The following SIL1 variants were observed in gnomAD, a reference collection of about 807,000 sequenced individuals.
SIL1 encodes SIL1 nucleotide exchange factor.
SIL1 carries 40 observed loss-of-function variants against 49.1 expected under a neutral mutation model. The ratio of observed to expected loss-of-function variants is 0.81; its 90% CI spans 0.63 to 1.06. SIL1 has a LOEUF of 1.06. SIL1 is among the 50% of genes least tolerant of loss of function. SIL1 has a pLI of 0.00. For synonymous variants in SIL1, 253 were observed against 250.8 expected (o/e 1.01, Z -0.08); for missense variants, 500 against 572.6 (o/e 0.87, Z 1.29).
chr5:139,102,497 AAAAAGAG>A (rs1407723617), intron 3 of SIL1, among the ~76,000 whole-genome samples: 1,666 of 65,542 alleles, frequency 0.025, 3 homozygotes, highest in South Asian at 0.035. Flanking sequence ...AAAAAAAAAA[AAAAAGAG>A]AGAGAGAGAG....
At chr5:139,072,824 A>G (rs1312333137) in intron 3 of SIL1, among the ~76,000 whole-genome samples, 2 of 152,166 alleles carry the variant, frequency 1.3e-5, no homozygotes, top group Non-Finnish European at 2.9e-5. Context: ...TGATAGTGAT[A>G]AATACCCAAA....
chr5:139,018,047 A>G (rs990078283), intron 7 of SIL1, among the ~76,000 whole-genome samples: 3 of 152,248 alleles, frequency 2.0e-5, no homozygotes, highest in African/African-American at 7.2e-5. Flanking sequence ...TATGTGGGCA[A>G]AAACAGGAAA....
chr5:139,130,745 G>A (rs549251548), intron 1 of SIL1, among the ~76,000 whole-genome samples: 2 of 152,198 alleles, frequency 1.3e-5, no homozygotes, highest in East Asian at 3.9e-4. Flanking sequence ...ATCAAAAGAT[G>A]GATTTTCAAA....
intron 3 of SIL1, among the ~76,000 whole-genome samples, chr5:139,094,392 TGTCCACTCA>T (rs1257383389): frequency 2.6e-5 from 4 of 152,186 alleles, no homozygotes; most frequent in African/African-American, 7.2e-5. Context: ...CCAAAATCTC[TGTCCACTCA>T]GGGCTTACAT....
At chr5:139,160,143 T>TCACACACACACACA (rs57028301) in intron 1 of SIL1, among the ~76,000 whole-genome samples, 3 of 137,756 alleles carry the variant, frequency 2.2e-5, no homozygotes, top group African/African-American at 8.3e-5. Flanking sequence ...ATTTCCACAA[T>TCACACACACACACA]CACACACACA....
At chr5:139,193,061 G>C (rs1392997973) in intron 1 of SIL1, among the ~76,000 whole-genome samples, 1 of 148,936 alleles carries the variant, frequency 6.7e-6, no homozygotes, top group Non-Finnish European at 1.5e-5. Context: ...GGTACTAGCT[G>C]TTTCTTCTGG....
chr5:139,032,641 G>C (rs1768817627), intron 5 of SIL1, among the ~76,000 whole-genome samples: 1 of 152,184 alleles, frequency 6.6e-6, no homozygotes, highest in Admixed American at 6.5e-5. Flanking sequence ...ATTGACGCCA[G>C]TGGTTTTTAA....
chr5:139,105,428 A>G (rs1770678168), intron 3 of SIL1, among the ~76,000 whole-genome samples: 2 of 152,308 alleles, frequency 1.3e-5, no homozygotes, highest in Middle Eastern at 3.4e-3. Context: ...TCCCATAACT[A>G]TAAATCAATC....
chr5:139,063,611 C>T (rs1011187836), intron 3 of SIL1, among the ~76,000 whole-genome samples: 3 of 152,132 alleles, frequency 2.0e-5, no homozygotes, highest in Non-Finnish European at 4.4e-5. Flanking sequence ...TGAAGTTAAC[C>T]CTGAGATACT....
chr5:139,114,155 G>A (rs1188950530), intron 3 of SIL1, among the ~76,000 whole-genome samples: 1 of 152,238 alleles, frequency 6.6e-6, no homozygotes, highest in Non-Finnish European at 1.5e-5. Context: ...ACATGCTTTG[G>A]TGTCAGAGCA....
At chr5:138,980,776 T>C (rs763201899) in intron 7 of SIL1, among the ~76,000 whole-genome samples, 1 of 152,074 alleles carries the variant, frequency 6.6e-6, no homozygotes, top group Non-Finnish European at 1.5e-5. Context: ...CAGTAAAGGA[T>C]TGCTTGCTAA....
intron 1 of SIL1, among the ~76,000 whole-genome samples, chr5:139,152,103 T>C (rs1176577750): frequency 6.6e-6 from 1 of 152,208 alleles, no homozygotes; most frequent in Non-Finnish European, 1.5e-5. Flanking sequence ...GCAGCAGCCC[T>C]GAACACCGCA....
intron 7 of SIL1, among the ~76,000 whole-genome samples, chr5:138,978,327 T>A (rs1487307994): frequency 1.3e-5 from 2 of 152,186 alleles, no homozygotes; most frequent in Non-Finnish European, 2.9e-5. Flanking sequence ...CTTTTTTCAC[T>A]CTGACTTTTT....
At chr5:139,146,854 A>C (rs1433768467) in intron 1 of SIL1, among the ~76,000 whole-genome samples, 3 of 152,140 alleles carry the variant, frequency 2.0e-5, no homozygotes, top group Non-Finnish European at 2.9e-5. Flanking sequence ...TCAGATAATC[A>C]CTTTTATTTT....
chr5:139,183,020 C>CTTGA (rs1406749607), intron 1 of SIL1, among the ~76,000 whole-genome samples: 1 of 152,164 alleles, frequency 6.6e-6, no homozygotes, highest in East Asian at 1.9e-4. Context: ...GGAACTGTGA[C>CTTGA]TTGATGGTCT....
chr5:139,013,854 A>C (rs1403440770), intron 7 of SIL1: 2 of 152,180 alleles, frequency 1.3e-5, no homozygotes, highest in Non-Finnish European at 2.9e-5. Context: ...AAAATCAAAC[A>C]AACTCAAAGC....
chr5:139,164,685 G>C (rs1751581758), intron 1 of SIL1, among the ~76,000 whole-genome samples: 1 of 152,154 alleles, frequency 6.6e-6, no homozygotes, highest in South Asian at 2.1e-4. Flanking sequence ...CACTTATTCA[G>C]ATGAAGAAAC....
At chr5:138,973,331 T>A (rs554246147) in intron 7 of SIL1, among the ~76,000 whole-genome samples, 36 of 151,688 alleles carry the variant, frequency 2.4e-4, no homozygotes, top group Non-Finnish European at 4.6e-4. Context: ...TCTTATTTTA[T>A]AATAAGTAAT....
chr5:139,039,228 G>A (rs148608063), intron 5 of SIL1, among the ~76,000 whole-genome samples: 168 of 152,302 alleles, frequency 1.1e-3, no homozygotes, highest in African/African-American at 3.6e-3. Flanking sequence ...GCTGCCAGGA[G>A]CAGACGTGAG....
Sources: allele counts gnomAD v4.1 joint callset (sites outside exome capture counted in the v4.1 genomes callset), GRCh38; gene constraint gnomAD v4.1.1; transcripts MANE v1.5; gene names NCBI Gene and HGNC (gene_info 2026-07-23, HGNC 2026-07-21).